Variants in TMTC1 observed in about 807,000 individuals in gnomAD.
The protein encoded by TMTC1 is transmembrane O-mannosyltransferase targeting cadherins 1.
TMTC1 carries 73 observed loss-of-function variants against 104.8 expected under a neutral mutation model. The observed-to-expected ratio is 0.70, with a 90% CI of 0.58 to 0.85. The LOEUF is 0.85. Ranked by LOEUF, TMTC1 falls within the 40% of genes least tolerant of loss-of-function variation. The probability of loss-of-function intolerance (pLI) is 0.00; values close to 1 mark genes in which losing one functional copy is unlikely to be tolerated. For missense variants in TMTC1, 1,035 were observed against 1,096.1 expected (o/e 0.94, Z 0.79); for synonymous variants, 434 against 428.7 (o/e 1.01, Z -0.15).
At chr12:29,609,579 A>G (rs1592317474) in intron 6 of TMTC1, among the ~76,000 whole-genome samples, 1 of 152,256 alleles carries the variant, frequency 6.6e-6, no homozygotes, top group Non-Finnish European at 1.5e-5. Context: ...TGAATCCACA[A>G]AAGCCCTTAT....
rs79645569 is a variant in TMTC1 at position 29,566,641 on chromosome 12, G to A, written c.1532+5464C>T. ...GAGCATATTGCTGCGGTCTAGCTGA[G>A]AGGTGGAGGGGACAGTGGACGTGGA... On this transcript the variant is annotated intron_variant, in intron 9 of 17. Transcript: ENST00000539277. Among the ~76,000 whole-genome samples, 533 of 152,314 alleles carry A rather than the reference G, an allele frequency of 3.5e-3. 3 individuals carry two copies. Among genetic ancestry groups the A allele is most frequent in the Non-Finnish European group, 4.0e-3 (272 of 68,022 alleles).
chr12:29,611,965 CA>C (rs1020296420), intron 6 of TMTC1, among the ~76,000 whole-genome samples: 15 of 152,046 alleles, frequency 9.9e-5, no homozygotes, highest in Admixed American at 4.6e-4. Context: ...TAATTATCTC[CA>C]TTTTTGTAAG....
At chr12:29,628,731 G>A (rs1321283676) in intron 6 of TMTC1, among the ~76,000 whole-genome samples, 5 of 152,010 alleles carry the variant, frequency 3.3e-5, no homozygotes, top group South Asian at 2.1e-4. Flanking sequence ...GTGCGATCTC[G>A]GCTCACTGCA....
At chr12:29,603,439 T>C (rs1287010754) in intron 7 of TMTC1, among the ~76,000 whole-genome samples, 1 of 152,018 alleles carries the variant, frequency 6.6e-6, no homozygotes, top group East Asian at 1.9e-4. Flanking sequence ...TTAGCGAGTT[T>C]ACTAAAATCT....
At chr12:29,528,749 A>C (rs1230074154) in intron 11 of TMTC1, among the ~76,000 whole-genome samples, 1 of 152,180 alleles carries the variant, frequency 6.6e-6, no homozygotes, top group Non-Finnish European at 1.5e-5. Context: ...TGAACTCTAA[A>C]AGTTACTGAG....
intron 5 of TMTC1, among the ~76,000 whole-genome samples, chr12:29,706,189 C>G (rs530095222): frequency 6.6e-6 from 1 of 152,262 alleles, no homozygotes; most frequent in East Asian, 1.9e-4. Flanking sequence ...CTACCAAGTT[C>G]AGACAGAACT....
intron 7 of TMTC1, among the ~76,000 whole-genome samples, chr12:29,602,191 G>A (rs1297393049): frequency 6.6e-6 from 1 of 152,072 alleles, no homozygotes; most frequent in African/African-American, 2.4e-5. Context: ...CACCCAGGCT[G>A]GAGTGCAGGG....
chr12:29,751,492 T>C (rs1354746984), intron 5 of TMTC1, among the ~76,000 whole-genome samples, 174 bp downstream of exon 5: 3 of 151,806 alleles, frequency 2.0e-5, no homozygotes, highest in Non-Finnish European at 2.9e-5. Flanking sequence ...CATTAGAATA[T>C]AGGGAAGGAA....
At chr12:29,601,985 G>A (rs1592303152) in intron 7 of TMTC1, among the ~76,000 whole-genome samples, 2 of 151,504 alleles carry the variant, frequency 1.3e-5, no homozygotes, top group Admixed American at 1.3e-4. Flanking sequence ...ACAGGCGCCC[G>A]CCACCGTGCC....
At chr12:29,687,372 AAACT>A (rs1273811442) in intron 5 of TMTC1, among the ~76,000 whole-genome samples, 2 of 152,204 alleles carry the variant, frequency 1.3e-5, no homozygotes, top group African/African-American at 4.8e-5. Flanking sequence ...AGACAGCCAC[AAACT>A]AAGCAACATT....
At chr12:29,609,998 C>T (rs11050314) in intron 6 of TMTC1, 2,255 of 152,550 alleles carry the variant, frequency 0.015, 46 homozygotes, top group African/African-American at 0.051. Flanking sequence ...GGTGGCTGTT[C>T]CTCCCCTCTG....
At chr12:29,649,161 T>C (rs1483071872) in intron 5 of TMTC1, among the ~76,000 whole-genome samples, 7 of 152,212 alleles carry the variant, frequency 4.6e-5, no homozygotes, top group Admixed American at 3.9e-4. Flanking sequence ...CTTGTTATTG[T>C]TGTCCATCAG....
At chr12:29,742,734 G>A (rs1337771877) in intron 5 of TMTC1, among the ~76,000 whole-genome samples, 1 of 152,144 alleles carries the variant, frequency 6.6e-6, no homozygotes, top group Non-Finnish European at 1.5e-5. Flanking sequence ...AACAAGGATG[G>A]CATTCATCAG....
In TMTC1 at chr12:29,562,656, G is replaced by T. The variant is rs900541693; in HGVS notation, c.1533-5656C>A. Among the ~76,000 whole-genome samples the T allele has an allele frequency of 5.9e-5, 9 of 152,278 alleles. No homozygotes were observed. In the East Asian group the frequency reaches 1.4e-3, roughly 23 times the overall value. Reference sequence around the variant, plus strand: ...GTCAGAAGCCATGAGAGGCATTCCAGCTATGTGAGTTTGAATTCATGTCTG... The same window carrying T: ...GTCAGAAGCCATGAGAGGCATTCCATCTATGTGAGTTTGAATTCATGTCTG... On this transcript the variant is annotated intron_variant, in intron 9 of 17. Coordinates refer to ENST00000539277, the MANE Select transcript of TMTC1 (RefSeq NM_001193451.2).
intron 5 of TMTC1, among the ~76,000 whole-genome samples, chr12:29,635,487 T>C (rs544827814): frequency 6.6e-6 from 1 of 152,224 alleles, no homozygotes; most frequent in Non-Finnish European, 1.5e-5. Flanking sequence ...AAATAATGGA[T>C]CTAGGCATGA....
intron 5 of TMTC1, among the ~76,000 whole-genome samples, chr12:29,743,262 T>C (rs113893308): frequency 1.8e-4 from 27 of 152,286 alleles, no homozygotes; most frequent in African/African-American, 5.3e-4. Flanking sequence ...CAGGAGTCCA[T>C]GTTCTTTACT....
intron 9 of TMTC1, among the ~76,000 whole-genome samples, chr12:29,571,297 G>T (rs77117299): frequency 2.0e-5 from 3 of 151,992 alleles, no homozygotes; most frequent in Admixed American, 1.3e-4. Context: ...TGTGTTGAAG[G>T]TTAAGTACAT....
At chr12:29,600,946 T>A (rs1946548643) in intron 7 of TMTC1, among the ~76,000 whole-genome samples, 1 of 152,238 alleles carries the variant, frequency 6.6e-6, no homozygotes. Flanking sequence ...GTCATCTTTT[T>A]AATGAAAACT....
At chr12:29,754,081 G>A (rs1943156204) in intron 4 of TMTC1, among the ~76,000 whole-genome samples, 1 of 151,584 alleles carries the variant, frequency 6.6e-6, no homozygotes, top group African/African-American at 2.4e-5. Flanking sequence ...TGGCTAGGAT[G>A]GTCTCTATCT....
Sources: gnomAD v4.1 joint callset for allele counts (sites outside exome capture counted in the v4.1 genomes callset) on GRCh38, gnomAD v4.1.1 for gene constraint, MANE v1.5 for transcripts, NCBI Gene and HGNC (gene_info 2026-07-23, HGNC 2026-07-21) for gene names.